The following TMPRSS11A variants were observed in gnomAD, a reference collection of about 807,000 sequenced individuals.
TMPRSS11A encodes the protein transmembrane protease serine 11A.
Under a neutral mutation model 58.9 loss-of-function variants are expected in TMPRSS11A, and 53 were observed. That is an observed-to-expected ratio of 0.90 (90% CI 0.72 to 1.13). The LOEUF is 1.13. TMPRSS11A is among the 50% of genes most tolerant of loss of function. TMPRSS11A has a pLI of 0.00. For synonymous variants in TMPRSS11A, 167 were observed against 169.8 expected (o/e 0.98, Z 0.13); for missense variants, 493 against 499.3 (o/e 0.99, Z 0.12).
At chr4:67,922,689 C>T in intron 7 of TMPRSS11A, 66 bp downstream of exon 7, 41 of 1,459,162 alleles carry the variant, frequency 2.8e-5, no homozygotes, top group Middle Eastern at 1.8e-4. Flanking sequence ...TAATTGTTAC[C>T]AAGAATATGA....
intron 5 of TMPRSS11A, among the ~76,000 whole-genome samples, chr4:67,926,689 C>T (rs1720480675): frequency 6.6e-6 from 1 of 152,202 alleles, no homozygotes; most frequent in Non-Finnish European, 1.5e-5. Flanking sequence ...GTGGACAGTC[C>T]TTGGAGCCCA....
intron 1 of TMPRSS11A, among the ~76,000 whole-genome samples, chr4:67,953,166 C>T (rs1040178065): frequency 6.6e-6 from 1 of 152,146 alleles, no homozygotes; most frequent in Non-Finnish European, 1.5e-5. Context: ...TGGTAATGCT[C>T]ACTTGCCTAC....
intron 3 of TMPRSS11A, among the ~76,000 whole-genome samples, chr4:67,935,634 A>G (rs1487011412): frequency 6.6e-6 from 1 of 152,148 alleles, no homozygotes; most frequent in Non-Finnish European, 1.5e-5. Flanking sequence ...AAAATCTAAC[A>G]TAGTGCTTTG....
intron 6 of TMPRSS11A, 130 bp from the exon 7 acceptor site, chr4:67,923,056 C>G (rs1275812353): frequency 2.6e-6 from 2 of 760,670 alleles, no homozygotes; most frequent in African/African-American, 3.5e-5. Context: ...CCACCTGTCA[C>G]TGGATTCATG....
intron 3 of TMPRSS11A, among the ~76,000 whole-genome samples, chr4:67,942,177 A>G (rs1720897005): frequency 6.6e-6 from 1 of 152,208 alleles, no homozygotes; most frequent in East Asian, 1.9e-4. Context: ...ATAAAATACT[A>G]CTTTATACAT....
intron 1 of TMPRSS11A, among the ~76,000 whole-genome samples, chr4:67,960,024 A>G (rs1484504924): frequency 6.6e-6 from 1 of 152,232 alleles, no homozygotes; most frequent in Non-Finnish European, 1.5e-5. Flanking sequence ...ACATAGATGA[A>G]GCTGGAGGCC....
intron 1 of TMPRSS11A, among the ~76,000 whole-genome samples, chr4:67,950,011 T>C (rs1397549236): frequency 6.6e-6 from 1 of 152,232 alleles, no homozygotes; most frequent in Non-Finnish European, 1.5e-5. Context: ...CTGCATTTTT[T>C]TGTGCTTTGC....
At chr4:67,949,127 A>G (rs1438697270) in intron 1 of TMPRSS11A, among the ~76,000 whole-genome samples, 1 of 152,230 alleles carries the variant, frequency 6.6e-6, no homozygotes, top group Non-Finnish European at 1.5e-5. Context: ...AAGGAAATTT[A>G]TAAGCTTTCA....
chr4:67,957,501 T>C (rs1353938404), intron 1 of TMPRSS11A, among the ~76,000 whole-genome samples: 3 of 152,120 alleles, frequency 2.0e-5, no homozygotes, highest in Admixed American at 6.5e-5. Context: ...CCCTAGAGAT[T>C]TGTGGAACTT....
At chr4:67,916,217 T>C (rs779207640) in intron 8 of TMPRSS11A, among the ~76,000 whole-genome samples, 9 of 152,158 alleles carry the variant, frequency 5.9e-5, no homozygotes, top group Non-Finnish European at 1.2e-4. Context: ...ACATATACTA[T>C]ACTTCAACAC....
chr4:67,919,002 A>T lies in TMPRSS11A; in HGVS notation c.923T>A (p.Ile308Asn), dbSNP rs145300425. 6.2e-7 allele frequency: 1 copy of T among 1,614,028 alleles called. No homozygotes were observed. The highest frequency in any genetic ancestry group is 1.3e-5 in the African/African-American group (1 of 74,912). Residue 308 changes from isoleucine to asparagine, a missense_variant, in exon 8 of 10, where the codon ATC becomes AAC. By Grantham distance (149) the Ile-to-Asn change is moderately radical. Transcript: ENST00000508048. ...ASFQPNLTVH[I>N]TGFGALYYGG... ...ATAGTAAAGTGCTCCAAATCCTGTG[A>T]TGTGGACAGTCAAATTTGGTTGGAA... is the stretch of plus-strand genomic sequence containing the variant.
chr4:67,916,056 G>A (rs2109734059), intron 8 of TMPRSS11A, among the ~76,000 whole-genome samples: 1 of 152,170 alleles, frequency 6.6e-6, no homozygotes, highest in African/African-American at 2.4e-5. Context: ...TCCTTCCCCT[G>A]TAAAGACCCC....
At chr4:67,956,632 G>A (rs72645848) in intron 1 of TMPRSS11A, among the ~76,000 whole-genome samples, 6,168 of 152,230 alleles carry the variant, frequency 0.041, 170 homozygotes, top group African/African-American at 0.07. Context: ...TAATTTGCAC[G>A]AAATGATTCA....
In TMPRSS11A at chr4:67,914,654, A is replaced by G; in HGVS notation, c.1029T>C (p.Tyr343=). 4 of 1,613,672 alleles carry G rather than the reference A, an allele frequency of 2.5e-6. No homozygotes were observed. Among genetic ancestry groups the G allele is most frequent in the Non-Finnish European group, 3.4e-6 (4 of 1,179,676 alleles). Residue 343 remains tyrosine, a synonymous_variant, in exon 9 of 10, where the codon TAT becomes TAC. Coordinates refer to ENST00000508048, the MANE Select transcript of TMPRSS11A (RefSeq NM_001114387.2). ...SDDVCKQPQV[Y]GNDIKPGMFC... ...ACATTCCAGGTTTTATATCATTGCC[A>G]TACACCTGTGGTTGCTTGCAGACAT...
At chr4:67,914,815 T>TC in intron 8 of TMPRSS11A, 85 bp from the exon 9 acceptor site, 1 of 1,224,962 alleles carries the variant, frequency 8.2e-7, no homozygotes, top group East Asian at 2.4e-5. Context: ...AATATTTTTT[T>TC]CATGGTAAAA....
At chr4:67,924,666 C>T (rs906830392) in intron 5 of TMPRSS11A, among the ~76,000 whole-genome samples, 1 of 152,192 alleles carries the variant, frequency 6.6e-6, no homozygotes, top group Non-Finnish European at 1.5e-5. Context: ...AAAGGCATGT[C>T]TTACATGGTG....
intron 1 of TMPRSS11A, among the ~76,000 whole-genome samples, chr4:67,955,925 T>C (rs1161857847): frequency 6.6e-6 from 1 of 152,244 alleles, no homozygotes; most frequent in African/African-American, 2.4e-5. Flanking sequence ...AATGAGAGTT[T>C]AAGATTTTAA....
chr4:67,932,202 G>A, intron 3 of TMPRSS11A, 142 bp from the exon 4 acceptor site: 1 of 550,532 alleles, frequency 1.8e-6, no homozygotes, highest in Non-Finnish European at 3.2e-6. Flanking sequence ...AGCTTTCACA[G>A]TGCAACAGAA....
At position 67,929,538 on chromosome 4, in the gene TMPRSS11A, C is replaced by T. The variant is rs148986890; in HGVS notation, c.481+342G>A. Among the ~76,000 whole-genome samples the T allele has an allele frequency of 1.0e-2, 1,521 of 152,216 alleles. 25 individuals are homozygous for T. The highest frequency in any genetic ancestry group is 0.034 in the African/African-American group (1,431 of 41,530). On this transcript the variant is annotated intron_variant, in intron 5 of 9. Transcript: ENST00000508048. ...ACATGAATTTGTGTTTTAGGAAGGT[C>T]CCACCCAGAAAAACAATTATTGCTA...
Sources: gnomAD v4.1 joint callset for allele counts (sites outside exome capture counted in the v4.1 genomes callset) on GRCh38, gnomAD v4.1.1 for gene constraint, MANE v1.5 for transcripts, NCBI Gene and HGNC (gene_info 2026-07-23, HGNC 2026-07-21) for gene names.